The following ADRA1A variants were observed in gnomAD, a reference collection of about 807,000 sequenced individuals.
ADRA1A encodes the protein alpha-1A adrenergic receptor.
A neutral mutation model predicts 29.6 loss-of-function variants in ADRA1A; 31 were observed. The ratio of observed to expected loss-of-function variants is 1.05; its 90% confidence interval spans 0.79 to 1.41. The LOEUF (loss-of-function observed/expected upper bound fraction) is 1.41. ADRA1A is among the 40% of genes most tolerant of loss of function. ADRA1A has a pLI of 0.00. For synonymous variants in ADRA1A, 311 were observed against 254.3 expected, an observed-to-expected ratio of 1.22 and a Z score of -2.12; for missense variants, 619 against 601.1, an observed-to-expected ratio of 1.03 and a Z score of -0.31.
intron 2 of ADRA1A, among the ~76,000 whole-genome samples, chr8:26,846,097 T>C (rs1812176207): frequency 6.6e-6 from 1 of 152,206 alleles, no homozygotes; most frequent in African/African-American, 2.4e-5. Flanking sequence ...TTAATTACAA[T>C]TAAAACAAAG....
chr8:26,806,111 G>C lies in ADRA1A; in HGVS notation c.884-35445C>G, dbSNP rs73231557. 0.16 allele frequency among the ~76,000 whole-genome samples: 24,640 copies of C among 152,014 alleles called. 2,358 individuals are homozygous for C. Among genetic ancestry groups the C allele is most frequent in the East Asian group, 0.47 (2,422 of 5,150 alleles). On this transcript the variant is annotated intron_variant, in intron 2 of 2. Coordinates refer to ENST00000380573, the MANE Select transcript of ADRA1A (RefSeq NM_000680.4). The surrounding 1 kb of genome is among the most constrained non-coding windows in gnomAD (Gnocchi z 4.6). ...AGCTTTACCTAATGACCGAACTCCC[G>C]AATGTTCCCATTCTGTCCTGCCTCT... is the stretch of plus-strand genomic sequence containing the variant.
rs142533880 is a variant in ADRA1A, at chr8:26,810,304, T to C, written c.884-39638A>G. ...TTCCCAAAGCAGTTTCTACAGAATGTCATCATGACTATGGGTTTTTTCCCT... is the reference window on the plus strand; with the variant it reads ...TTCCCAAAGCAGTTTCTACAGAATGCCATCATGACTATGGGTTTTTTCCCT... On this transcript the variant is annotated intron_variant, in intron 2 of 2. Transcript: ENST00000380573. Among the ~76,000 whole-genome samples the C allele has an allele frequency of 2.8e-3, 422 of 152,340 alleles. 8 individuals carry two copies. Among genetic ancestry groups the C allele is most frequent in the Admixed American group, 0.024 (360 of 15,304 alleles).
downstream of ADRA1A, among the ~76,000 whole-genome samples, chr8:26,752,403 G>A (rs1202700981): frequency 6.6e-6 from 1 of 152,132 alleles, no homozygotes; most frequent in African/African-American, 2.4e-5. Context: ...CCTGTGCCAT[G>A]TTACCTGCAC....
chr8:26,828,217 A>G (rs1810728625), intron 2 of ADRA1A, among the ~76,000 whole-genome samples: 1 of 152,220 alleles, frequency 6.6e-6, no homozygotes, highest in African/African-American at 2.4e-5. Flanking sequence ...AAATCAGATA[A>G]TAATACCACT....
intron 2 of ADRA1A, among the ~76,000 whole-genome samples, chr8:26,828,133 A>T (rs1256011486): frequency 6.6e-6 from 1 of 152,154 alleles, no homozygotes; most frequent in East Asian, 1.9e-4. Flanking sequence ...AGCTCAAGCG[A>T]TCTACCTACC....
intron 2 of ADRA1A, among the ~76,000 whole-genome samples, chr8:26,801,304 A>G (rs1808560089): frequency 1.3e-5 from 2 of 152,140 alleles, no homozygotes; most frequent in Admixed American, 1.3e-4. Flanking sequence ...AAGAAAGTAA[A>G]GGCATCCAAA....
intron 2 of ADRA1A, chr8:26,853,791 C>T (rs1812801784): frequency 6.6e-6 from 1 of 152,158 alleles, no homozygotes; most frequent in Non-Finnish European, 1.5e-5. Flanking sequence ...TCTCTCTGAG[C>T]ATCCCTGAGA....
At chr8:26,849,348 T>C (rs544349264) in intron 2 of ADRA1A, among the ~76,000 whole-genome samples, 1 of 152,266 alleles carries the variant, frequency 6.6e-6, no homozygotes, top group Non-Finnish European at 1.5e-5. Context: ...CCAGGCAGGA[T>C]GGGAAGGACC....
intron 2 of ADRA1A, among the ~76,000 whole-genome samples, chr8:26,846,511 G>A (rs1456308369): frequency 6.6e-6 from 1 of 152,206 alleles, no homozygotes; most frequent in African/African-American, 2.4e-5. Context: ...GCTCATGCCT[G>A]TAATCCTAGC....
At chr8:26,759,627 G>A (rs1340655939) in intron 2 of ADRA1A, among the ~76,000 whole-genome samples, 1 of 152,134 alleles carries the variant, frequency 6.6e-6, no homozygotes. Context: ...GGGAGGCACT[G>A]TGGGGCACGA....
downstream of ADRA1A, among the ~76,000 whole-genome samples, chr8:26,756,146 T>C (rs998691828): frequency 6.6e-6 from 1 of 152,230 alleles, no homozygotes; most frequent in Non-Finnish European, 1.5e-5. Flanking sequence ...TTAAGGACAA[T>C]GCCATTATCA....
chr8:26,813,832 G>A (rs1379223440), intron 2 of ADRA1A, among the ~76,000 whole-genome samples: 1 of 152,042 alleles, frequency 6.6e-6, no homozygotes, highest in Non-Finnish European at 1.5e-5. Flanking sequence ...ATATGTAAAT[G>A]TCTTTTTAGA....
At chr8:26,774,975 T>A (rs1806437139) in intron 2 of ADRA1A, among the ~76,000 whole-genome samples, 1 of 152,218 alleles carries the variant, frequency 6.6e-6, no homozygotes, top group Non-Finnish European at 1.5e-5. Flanking sequence ...TGGAGAATGC[T>A]TGTTCCTGGC....
intron 2 of ADRA1A, among the ~76,000 whole-genome samples, chr8:26,813,498 A>G (rs1358567962): frequency 2.0e-5 from 3 of 147,948 alleles, no homozygotes; most frequent in African/African-American, 7.9e-5. Context: ...CTATCCATCC[A>G]TCCATCCATC....
chr8:26,827,062 C>T (rs570038046), intron 2 of ADRA1A, among the ~76,000 whole-genome samples: 2 of 152,186 alleles, frequency 1.3e-5, no homozygotes, highest in East Asian at 3.9e-4. Flanking sequence ...ACTGAATCTC[C>T]CTCATGGTAC....
At chr8:26,836,290 CA>C (rs1006408713) in intron 2 of ADRA1A, 13 of 170,378 alleles carry the variant, frequency 7.6e-5, no homozygotes, top group African/African-American at 1.9e-4. Context: ...TGACCCTCAG[CA>C]AAGACATCAA....
At chr8:26,818,489 T>TAG (rs1809921147) in intron 2 of ADRA1A, among the ~76,000 whole-genome samples, 6 of 152,272 alleles carry the variant, frequency 3.9e-5, no homozygotes, top group African/African-American at 1.4e-4. Context: ...CAGAAAACTT[T>TAG]ACAGATGAGT....
chr8:26,774,641 A>G (rs1345807953), intron 2 of ADRA1A, among the ~76,000 whole-genome samples: 1 of 151,584 alleles, frequency 6.6e-6, no homozygotes, highest in Non-Finnish European at 1.5e-5. Context: ...GCAGTCCAGC[A>G]TGGGCAACGG....
Position 26,787,351 on chromosome 8 carries a change from A to C in ADRA1A, c.884-16685T>G, listed in dbSNP as rs1807469146. On this transcript the variant is annotated intron_variant, in intron 2 of 2. Coordinates refer to ENST00000380573, the MANE Select transcript of ADRA1A (RefSeq NM_000680.4). This position sits in a 1 kb window ranked among gnomAD's most constrained non-coding sequence, Gnocchi z 4.2. Reference sequence around the variant, plus strand: ...TATTAATACAAAAATAAAATTCTCGAATGTTAATAATTAGGTTTGTTCAGA... The same window carrying C: ...TATTAATACAAAAATAAAATTCTCGCATGTTAATAATTAGGTTTGTTCAGA... 6.6e-6 allele frequency among the ~76,000 whole-genome samples: 1 copy of C among 152,200 alleles called. No individual in the cohort carries two copies. Among genetic ancestry groups the C allele is most frequent in the African/African-American group, 2.4e-5 (1 of 41,450 alleles).
Sources: allele counts gnomAD v4.1 joint callset (sites outside exome capture counted in the v4.1 genomes callset), GRCh38; gene constraint gnomAD v4.1.1; non-coding constraint Gnocchi (gnomAD v3.1); transcripts MANE v1.5; gene names NCBI Gene and HGNC (gene_info 2026-07-23, HGNC 2026-07-21).